The following CDH13 variants were observed in gnomAD, a reference collection of about 807,000 sequenced individuals.
CDH13 encodes the protein cadherin-13.
CDH13 carries 24 observed loss-of-function variants against 63.8 expected under a neutral mutation model. The ratio of observed to expected loss-of-function variants is 0.38; its 90% CI spans 0.27 to 0.53. The LOEUF (loss-of-function observed/expected upper bound fraction) is 0.53, where lower values mean the gene tolerates loss of function less well. CDH13 is among the 20% of genes least tolerant of loss of function. The probability of loss-of-function intolerance (pLI) is 0.85; values close to 1 mark genes in which losing one functional copy is unlikely to be tolerated. For missense variants in CDH13, 1,049 were observed against 903.1 expected (o/e 1.16, Z -2.07); for synonymous variants, 503 against 355.3 (o/e 1.42, Z -4.67).
intron 1 of CDH13, among the ~76,000 whole-genome samples, chr16:82,803,086 G>A (rs1245086290): frequency 1.3e-5 from 2 of 152,128 alleles, no homozygotes; most frequent in Non-Finnish European, 2.9e-5. Context: ...GGCATTTCCA[G>A]GTTTATAAAA....
chr16:82,689,346 T>C (rs918536488), intron 1 of CDH13, among the ~76,000 whole-genome samples: 1 of 152,146 alleles, frequency 6.6e-6, no homozygotes, highest in African/African-American at 2.4e-5. Context: ...TTGTTAGTTA[T>C]CATATTCATC....
At chr16:83,571,667 C>G (rs554384211) in intron 7 of CDH13, among the ~76,000 whole-genome samples, 19 of 152,152 alleles carry the variant, frequency 1.2e-4, no homozygotes, top group Non-Finnish European at 2.8e-4. Context: ...GCAGTTTGCT[C>G]CTGAGGAGGA....
At chr16:83,253,601 T>A (rs1412596295) in intron 5 of CDH13, among the ~76,000 whole-genome samples, 1 of 152,186 alleles carries the variant, frequency 6.6e-6, no homozygotes, top group African/African-American at 2.4e-5. Flanking sequence ...CGGGGGTGCT[T>A]TGCAAGCCTG....
At chr16:83,014,816 G>A (rs1167321254) in intron 2 of CDH13, among the ~76,000 whole-genome samples, 7 of 64,168 alleles carry the variant, frequency 1.1e-4, no homozygotes, top group Non-Finnish European at 2.1e-4. Context: ...ATATATATTT[G>A]TATATATATA....
intron 1 of CDH13, among the ~76,000 whole-genome samples, chr16:82,727,097 G>A (rs1211424168): frequency 1.3e-5 from 2 of 152,256 alleles, no homozygotes; most frequent in East Asian, 3.9e-4. Context: ...GGGCGGCGGC[G>A]GTGGTGGGGT....
At chr16:83,281,123 C>T (rs1056285610) in intron 5 of CDH13, among the ~76,000 whole-genome samples, 1 of 152,008 alleles carries the variant, frequency 6.6e-6, no homozygotes, top group Non-Finnish European at 1.5e-5. Flanking sequence ...CATCTTCTTT[C>T]AATTGAAGGC....
At chr16:83,001,080 C>T (rs1912876493) in intron 2 of CDH13, among the ~76,000 whole-genome samples, 1 of 152,200 alleles carries the variant, frequency 6.6e-6, no homozygotes, top group Non-Finnish European at 1.5e-5. Context: ...CTCTACTTAC[C>T]TGCTTTTAAT....
intron 3 of CDH13, among the ~76,000 whole-genome samples, chr16:83,122,577 C>T (rs1240283384): frequency 6.6e-6 from 1 of 152,178 alleles, no homozygotes; most frequent in African/African-American, 2.4e-5. Flanking sequence ...TACAAGTCTC[C>T]ATAATGCCTG....
At chr16:82,941,947 T>C (rs749243004) in intron 2 of CDH13, among the ~76,000 whole-genome samples, 1 of 152,204 alleles carries the variant, frequency 6.6e-6, no homozygotes, top group Non-Finnish European at 1.5e-5. Flanking sequence ...ATCCTGAATA[T>C]AAGTCTGTCA....
At chr16:83,559,252 A>G (rs991330870) in intron 7 of CDH13, among the ~76,000 whole-genome samples, 1 of 152,168 alleles carries the variant, frequency 6.6e-6, no homozygotes, top group African/African-American at 2.4e-5. Context: ...ATCACTTCAC[A>G]TGTAGTATGG....
chr16:82,793,312 G>A (rs983420087), intron 1 of CDH13, among the ~76,000 whole-genome samples: 3 of 152,008 alleles, frequency 2.0e-5, no homozygotes, highest in African/African-American at 4.8e-5. Flanking sequence ...GCAATAAAAA[G>A]CAGTAGCAAA....
At chr16:82,713,206 G>A (rs1036701170) in intron 1 of CDH13, among the ~76,000 whole-genome samples, 1 of 152,116 alleles carries the variant, frequency 6.6e-6, no homozygotes, top group African/African-American at 2.4e-5. Context: ...GAATAAACCT[G>A]CAGTTTCTCC....
At position 83,440,558 on chromosome 16, in the gene CDH13, T is replaced by G. The variant is rs546867076; in HGVS notation, c.782-45919T>G. Among the ~76,000 whole-genome samples, 4 of 152,146 alleles carry G rather than the reference T, an allele frequency of 2.6e-5. No individual in the cohort carries two copies. The East Asian group carries it at 5.8e-4, about 22-fold the overall frequency. On this transcript the variant is annotated intron_variant, in intron 6 of 13. Transcript: ENST00000567109. ...GCTTCAGGAGGCCAAGGCAGGCAGATCTCTTGAGTTGAGGTCAGGAGTTCG... is the reference window on the plus strand; with the variant it reads ...GCTTCAGGAGGCCAAGGCAGGCAGAGCTCTTGAGTTGAGGTCAGGAGTTCG...
intron 4 of CDH13, among the ~76,000 whole-genome samples, chr16:83,156,628 C>T (rs983156193): frequency 6.6e-6 from 1 of 152,140 alleles, no homozygotes; most frequent in Non-Finnish European, 1.5e-5. Flanking sequence ...CTAACAAGCC[C>T]CTAATAGGAC....
At chr16:83,616,403 C>T (rs901338171) in intron 8 of CDH13, among the ~76,000 whole-genome samples, 4 of 152,058 alleles carry the variant, frequency 2.6e-5, no homozygotes, top group Non-Finnish European at 5.9e-5. Context: ...AACCTCTATG[C>T]GAATTCCGTG....
intron 3 of CDH13, among the ~76,000 whole-genome samples, chr16:83,110,920 C>G (rs1430079791): frequency 6.8e-6 from 1 of 147,032 alleles, no homozygotes; most frequent in Admixed American, 7.1e-5. Context: ...GCAACCACCA[C>G]AATGCCTGGT....
intron 13 of CDH13, among the ~76,000 whole-genome samples, chr16:83,790,790 A>G (rs1916211617): frequency 6.6e-6 from 1 of 152,198 alleles, no homozygotes; most frequent in Non-Finnish European, 1.5e-5. Flanking sequence ...GCAAGCCGGC[A>G]TTGCCATTAA....
chr16:83,462,373 A>T (rs760992857), intron 6 of CDH13, among the ~76,000 whole-genome samples: 3 of 152,236 alleles, frequency 2.0e-5, no homozygotes, highest in Admixed American at 1.3e-4. Flanking sequence ...TCAAGTGCTT[A>T]TCTTCCTTTC....
chr16:82,675,663 C>T (rs1597290660), intron 1 of CDH13, among the ~76,000 whole-genome samples: 3 of 152,198 alleles, frequency 2.0e-5, no homozygotes, highest in Non-Finnish European at 4.4e-5. Flanking sequence ...GCTGGACTCA[C>T]GTTCCTGCTT....
Sources: gnomAD v4.1 joint callset for allele counts (sites outside exome capture counted in the v4.1 genomes callset) on GRCh38, gnomAD v4.1.1 for gene constraint, MANE v1.5 for transcripts, NCBI Gene and HGNC (gene_info 2026-07-23, HGNC 2026-07-21) for gene names.